The following PTK7 variants were observed in gnomAD, a reference collection of about 807,000 sequenced individuals.
The protein encoded by PTK7 is protein tyrosine kinase 7 (inactive).
Under a neutral mutation model 116.6 loss-of-function variants are expected in PTK7, and 39 were observed. The ratio of observed to expected loss-of-function variants is 0.33; its 90% CI spans 0.26 to 0.44. The LOEUF is 0.44. Ranked by LOEUF, PTK7 falls within the 20% of genes least tolerant of loss-of-function variation. The pLI is 1.00. For missense variants in PTK7, 1,169 were observed against 1,425.6 expected (o/e 0.82, Z 2.90); for synonymous variants, 546 against 563.6 (o/e 0.97, Z 0.44).
chr6:43,113,516 G>A (rs1768309458), intron 1 of PTK7, among the ~76,000 whole-genome samples: 1 of 152,278 alleles, frequency 6.6e-6, no homozygotes, highest in South Asian at 2.1e-4. Flanking sequence ...TTCTGGGCAC[G>A]GTTGTTTCCT....
chr6:43,121,738 G>C (rs1258178076), intron 1 of PTK7, among the ~76,000 whole-genome samples: 1 of 152,198 alleles, frequency 6.6e-6, no homozygotes, highest in Non-Finnish European at 1.5e-5. Flanking sequence ...GTCACAAATA[G>C]CCCTGCAGCA....
intron 1 of PTK7, among the ~76,000 whole-genome samples, chr6:43,082,559 A>G (rs1050633947): frequency 1.5e-4 from 23 of 152,354 alleles, no homozygotes; most frequent in African/African-American, 5.5e-4. Context: ...TTCTTTATAC[A>G]GAATCTCAAG....
At chr6:43,159,670 C>T (rs778244508) in intron 18 of PTK7, 118 bp from the exon 19 acceptor site, 26 of 1,018,148 alleles carry the variant, frequency 2.6e-5, no homozygotes, top group Non-Finnish European at 3.9e-5. Flanking sequence ...TTCTTGATGT[C>T]TGTATGTAGA....
At position 43,142,247 on chromosome 6, in the gene PTK7, T is replaced by G; in HGVS notation, c.1995T>G (p.Ile665Met). The change falls in exon 13 of 20, where the codon ATT becomes ATG. Residue 665 changes from isoleucine to methionine, a missense_variant. This residue lies in a region of PTK7 where 678 missense variants were observed against 853.8 expected (regional missense o/e 0.79). Coordinates refer to ENST00000230419, the MANE Select transcript of PTK7 (RefSeq NM_002821.5). ...AGGACTCAGGCCGCTACACCTGCAT[T>G]GCAGGCAACAGCTGCAACATCAAGC... ...APEDSGRYTC[I>M]AGNSCNIKHT... is the part of the protein sequence containing the mutation. The G allele has an allele frequency of 6.2e-7, 1 of 1,614,136 alleles. No homozygotes were observed. Among genetic ancestry groups the G allele is most frequent in the Non-Finnish European group, 8.5e-7 (1 of 1,180,030 alleles).
chr6:43,100,538 C>G (rs1767517546), intron 1 of PTK7, among the ~76,000 whole-genome samples: 1 of 117,888 alleles, frequency 8.5e-6, no homozygotes, highest in Non-Finnish European at 1.7e-5. Context: ...ATTTTATATG[C>G]ATTTTTGTCT....
In PTK7 at chr6:43,130,378, G is replaced by A. The variant is rs746569979; in HGVS notation, c.619G>A (p.Gly207Ser). Reference protein sequence around the residue: ...LYSCCAHSAFGQACSSQNFTL... With the variant: ...LYSCCAHSAFSQACSSQNFTL... Reference sequence around the variant, plus strand: ...TTCCTGCTGCGCCCACAGTGCTTTTGGCCAGGCTTGCAGCAGCCAGAACTT... The same window carrying A: ...TTCCTGCTGCGCCCACAGTGCTTTTAGCCAGGCTTGCAGCAGCCAGAACTT... Residue 207 changes from glycine (G) to serine (S), a missense_variant, in exon 4 of 20, where the codon GGC becomes AGC. This residue lies in a region of PTK7 where 487 missense variants were observed against 549.8 expected (regional missense o/e 0.89). Coordinates refer to ENST00000230419, the MANE Select transcript of PTK7 (RefSeq NM_002821.5). 18 of 1,610,244 alleles carry A rather than the reference G, an allele frequency of 1.1e-5. No individual in the cohort carries two copies. The South Asian group carries it at 2.0e-4, about 18-fold the overall frequency.
intron 17 of PTK7, among the ~76,000 whole-genome samples, chr6:43,152,006 G>A (rs771211246): frequency 1.6e-4 from 24 of 151,474 alleles, no homozygotes; most frequent in Non-Finnish European, 3.4e-4. Flanking sequence ...CACAAAGCCC[G>A]ACTAATTTTT....
chr6:43,158,754 T>A, intron 17 of PTK7, 63 bp from the exon 18 acceptor site: 2 of 1,542,460 alleles, frequency 1.3e-6, no homozygotes, highest in South Asian at 2.3e-5. Flanking sequence ...AAGGGTTGTG[T>A]TGAGGGTGGT....
chr6:43,158,293 C>T (rs1295236631), intron 17 of PTK7, among the ~76,000 whole-genome samples: 3 of 150,272 alleles, frequency 2.0e-5, no homozygotes, highest in East Asian at 3.9e-4. Context: ...AGCAAGACTC[C>T]GTCTCAAAAG....
intron 1 of PTK7, among the ~76,000 whole-genome samples, chr6:43,118,969 C>T (rs1183282126): frequency 1.3e-5 from 2 of 151,684 alleles, no homozygotes. Context: ...TTATGTTGCC[C>T]AGGCTGGTCT....
chr6:43,160,086 T>C (rs1417709938), intron 19 of PTK7, 120 bp downstream of exon 19: 2 of 1,038,356 alleles, frequency 1.9e-6, no homozygotes, highest in Non-Finnish European at 2.8e-6. Flanking sequence ...GGCACACAGA[T>C]ACAACCACTC....
Position 43,130,537 on chromosome 6 carries a change from G to A in PTK7, c.688G>A (p.Ala230Thr), listed in dbSNP as rs1275109614. The change falls in exon 5 of 20, where the codon GCA becomes ACA. Residue 230 changes from alanine (A) to threonine (T), a missense_variant. This residue lies in a region of PTK7 where 487 missense variants were observed against 549.8 expected (regional missense o/e 0.89). Transcript: ENST00000230419. ...TGAAAGCTTTGCCAGGGTGGTGCTG[G>A]CACCCCAGGACGTGGTAGTAGCGAG... ...ADESFARVVL[A>T]PQDVVVARYE... The A allele has an allele frequency of 5.0e-6, 8 of 1,613,934 alleles. No individual in the cohort carries two copies. The highest frequency in any genetic ancestry group is 3.3e-5 in the South Asian group (3 of 91,032).
intron 1 of PTK7, among the ~76,000 whole-genome samples, chr6:43,115,061 C>A: frequency 6.6e-6 from 1 of 150,890 alleles, no homozygotes. Context: ...AAAAACTTTA[C>A]AAAAAAATAA....
At chr6:43,157,748 T>C (rs1771599544) in intron 17 of PTK7, among the ~76,000 whole-genome samples, 1 of 151,850 alleles carries the variant, frequency 6.6e-6, no homozygotes, top group East Asian at 2.0e-4. Context: ...TTTTTTGAGA[T>C]GGAGTTTTGC....
At chr6:43,109,900 G>A (rs1437884872) in intron 1 of PTK7, among the ~76,000 whole-genome samples, 9 of 151,402 alleles carry the variant, frequency 5.9e-5, no homozygotes, top group Non-Finnish European at 1.0e-4. Context: ...GGGTTTCACC[G>A]TGTTAGTCAG....
chr6:43,140,803 CTA>C (rs889853466), intron 10 of PTK7, among the ~76,000 whole-genome samples: 28 of 151,982 alleles, frequency 1.8e-4, no homozygotes, highest in East Asian at 1.9e-4. Flanking sequence ...ATACAGATAA[CTA>C]TGTAGTTTTT....
rs1346197760 is a variant in PTK7 at position 43,141,047 on chromosome 6, T to C, written c.1619-621T>C. On this transcript the variant is annotated intron_variant, in intron 10 of 19. Coordinates refer to ENST00000230419, the MANE Select transcript of PTK7 (RefSeq NM_002821.5). The surrounding 1 kb of genome is among the most constrained non-coding windows in gnomAD (Gnocchi z 4.9). The stretch of plus-strand genomic sequence containing the variant: ...AACCAGCCACCCACCCACCCCCTTT[T>C]TTTTCATTGCTGCAATAAACATCTT... Among the ~76,000 whole-genome samples the C allele has an allele frequency of 6.6e-6, 1 of 152,088 alleles. No individual in the cohort carries two copies. Among genetic ancestry groups the C allele is most frequent in the Admixed American group, 6.5e-5 (1 of 15,272 alleles).
intron 1 of PTK7, among the ~76,000 whole-genome samples, chr6:43,127,371 G>C (rs1303848011): frequency 6.6e-6 from 1 of 152,220 alleles, no homozygotes; most frequent in Non-Finnish European, 1.5e-5. Flanking sequence ...TGTTGCTCCT[G>C]CCGCCGCCGT....
intron 15 of PTK7, 189 bp downstream of exon 15, chr6:43,144,795 T>G (rs1213199069): frequency 1.0e-5 from 6 of 602,604 alleles, no homozygotes; most frequent in African/African-American, 7.3e-5. Context: ...GCAGATTTTG[T>G]CATTCCTGTG....
Sources: allele counts gnomAD v4.1 joint callset (sites outside exome capture counted in the v4.1 genomes callset), GRCh38; gene constraint gnomAD v4.1.1; regional missense constraint gnomAD v4.1.1; non-coding constraint Gnocchi (gnomAD v3.1); transcripts MANE v1.5; gene names NCBI Gene and HGNC (gene_info 2026-07-23, HGNC 2026-07-21).